LRRC4C: variants seen among roughly 807,000 people sequenced by gnomAD.
LRRC4C encodes the protein leucine rich repeat containing 4C.
Under a neutral mutation model 33.6 loss-of-function variants are expected in LRRC4C, and 5 were observed. The observed-to-expected ratio is 0.15, with a 90% confidence interval of 0.08 to 0.31. The LOEUF (loss-of-function observed/expected upper bound fraction) is 0.31. Among genes scored for constraint, LRRC4C ranks in the 10% least tolerant of loss-of-function variants. The probability of loss-of-function intolerance (pLI) is 1.00; values close to 1 mark genes in which losing one functional copy is unlikely to be tolerated. For synonymous variants in LRRC4C, 329 were observed against 302.0 expected (o/e 1.09, Z -0.93); for missense variants, 560 against 796.7 (o/e 0.70, Z 3.58).
intron 1 of LRRC4C, among the ~76,000 whole-genome samples, chr11:41,134,195 C>A (rs2135859052): frequency 6.6e-6 from 1 of 152,280 alleles, no homozygotes; most frequent in East Asian, 1.9e-4. Flanking sequence ...ACCCTAGGCT[C>A]AAGCAATCCT....
intron 3 of LRRC4C, among the ~76,000 whole-genome samples, chr11:40,500,662 C>T (rs1324145530): frequency 1.3e-5 from 2 of 151,960 alleles, no homozygotes; most frequent in African/African-American, 2.4e-5. Flanking sequence ...AGAAACTGCC[C>T]CGATAGTTCA....
chr11:40,803,615 AATTT>A lies in LRRC4C; in HGVS notation c.-407+130016_-407+130019del, dbSNP rs1401381097. On this transcript the variant is annotated intron_variant, in intron 2 of 6. Transcript: ENST00000528697. ...ATATTTAATTTTTAATTAATTAATG[AATTT>A]ATTTATTTTTTTGAGAAAGAGTCTC... is the stretch of plus-strand genomic sequence containing the variant. 2.0e-5 allele frequency among the ~76,000 whole-genome samples: 3 copies of A among 151,912 alleles called. No homozygotes were observed. In the East Asian group the frequency reaches 5.8e-4, roughly 29 times the overall value.
chr11:41,059,213 T>TTTTTTTTTTTTG (rs1192738989), intron 1 of LRRC4C, among the ~76,000 whole-genome samples: 2 of 45,944 alleles, frequency 4.4e-5, no homozygotes, highest in East Asian at 4.6e-4. Context: ...AATAAAAGTT[T>TTTTTTTTTTTTG]TTTTTTTTTT....
intron 1 of LRRC4C, among the ~76,000 whole-genome samples, chr11:41,366,764 A>G (rs1952560030): frequency 6.6e-6 from 1 of 152,154 alleles, no homozygotes; most frequent in Non-Finnish European, 1.5e-5. Context: ...AGATATACAC[A>G]GAGGGAAGAC....
At chr11:41,125,102 C>G (rs1461478709) in intron 1 of LRRC4C, among the ~76,000 whole-genome samples, 1 of 152,014 alleles carries the variant, frequency 6.6e-6, no homozygotes, top group Non-Finnish European at 1.5e-5. Flanking sequence ...ATAGCCCCAC[C>G]CAGAATTGCT....
In LRRC4C at chr11:40,996,455, T is replaced by A. The variant is rs180676985; in HGVS notation, c.-495-62732A>T. On this transcript the variant is annotated intron_variant, in intron 1 of 6. Transcript: ENST00000528697. The stretch of plus-strand genomic sequence containing the variant: ...GTAGGCAAATATCAAGGAGCTAAAA[T>A]CAACAGATAATGTGATGTGCTTTTG... 4.6e-5 allele frequency among the ~76,000 whole-genome samples: 7 copies of A among 152,242 alleles called. No homozygotes were observed. The East Asian group carries it at 1.4e-3, about 29-fold the overall frequency.
intron 4 of LRRC4C, among the ~76,000 whole-genome samples, chr11:40,281,755 T>C (rs1943489406): frequency 6.6e-6 from 1 of 152,108 alleles, no homozygotes; most frequent in Non-Finnish European, 1.5e-5. Context: ...CACAAATAAA[T>C]CTGTCAACTT....
chr11:40,836,346 A>C (rs1952666824), intron 2 of LRRC4C, among the ~76,000 whole-genome samples: 1 of 152,194 alleles, frequency 6.6e-6, no homozygotes, highest in Non-Finnish European at 1.5e-5. Flanking sequence ...ATTTGCCCTA[A>C]GGCCTCACTC....
At chr11:40,327,272 G>T (rs1272139736) in intron 3 of LRRC4C, among the ~76,000 whole-genome samples, 1 of 152,178 alleles carries the variant, frequency 6.6e-6, no homozygotes, top group Non-Finnish European at 1.5e-5. Context: ...TCTGGAGAAT[G>T]AATGCCCTTT....
intron 3 of LRRC4C, among the ~76,000 whole-genome samples, chr11:40,635,803 AT>A (rs528675832): frequency 3.3e-5 from 5 of 150,080 alleles, no homozygotes; most frequent in East Asian, 2.0e-4. Context: ...TGCCCGGCTA[AT>A]TTTTTTTTGT....
intron 3 of LRRC4C, among the ~76,000 whole-genome samples, chr11:40,382,849 A>G (rs995711516): frequency 5.3e-5 from 8 of 151,730 alleles, no homozygotes; most frequent in Non-Finnish European, 8.8e-5. Flanking sequence ...ACCCGCCACC[A>G]TGCCCAGCTA....
intron 3 of LRRC4C, among the ~76,000 whole-genome samples, chr11:40,515,017 C>T (rs1001145727): frequency 6.6e-6 from 1 of 152,056 alleles, no homozygotes; most frequent in South Asian, 2.1e-4. Flanking sequence ...GAGTACCTGT[C>T]AACCAAGAAG....
intron 1 of LRRC4C, among the ~76,000 whole-genome samples, chr11:41,290,500 C>A (rs987860985): frequency 6.6e-6 from 1 of 152,156 alleles, no homozygotes; most frequent in Non-Finnish European, 1.5e-5. Context: ...ATAGCATTGA[C>A]AATCGTTGTG....
chr11:40,519,109 AG>A (rs1004200110), intron 3 of LRRC4C, among the ~76,000 whole-genome samples: 2 of 152,068 alleles, frequency 1.3e-5, no homozygotes, highest in African/African-American at 2.4e-5. Flanking sequence ...GAGCTAGGGG[AG>A]GGATAGCATT....
chr11:41,067,516 A>G (rs1938342522), intron 1 of LRRC4C, among the ~76,000 whole-genome samples: 1 of 152,172 alleles, frequency 6.6e-6, no homozygotes, highest in Non-Finnish European at 1.5e-5. Flanking sequence ...GAGACCAATA[A>G]TTAACAAGGA....
At chr11:40,252,306 C>A (rs564888880) in intron 4 of LRRC4C, among the ~76,000 whole-genome samples, 2 of 151,436 alleles carry the variant, frequency 1.3e-5, no homozygotes. Context: ...CTAATATATA[C>A]ACACACACAC....
intron 1 of LRRC4C, among the ~76,000 whole-genome samples, chr11:41,121,008 G>C (rs1277822087): frequency 6.6e-6 from 1 of 152,078 alleles, no homozygotes; most frequent in African/African-American, 2.4e-5. Flanking sequence ...TGTTAAGCCT[G>C]TGGAACTATG....
At chr11:40,329,895 A>G (rs1946280687) in intron 3 of LRRC4C, among the ~76,000 whole-genome samples, 1 of 151,816 alleles carries the variant, frequency 6.6e-6, no homozygotes, top group African/African-American at 2.4e-5. Context: ...GCATTTGCCA[A>G]CACACCCGGC....
chr11:40,176,811 G>A (rs372002290), intron 5 of LRRC4C, among the ~76,000 whole-genome samples: 1 of 151,520 alleles, frequency 6.6e-6, no homozygotes, highest in East Asian at 1.9e-4. Flanking sequence ...AAATTGCTGA[G>A]ATTATAGGTG....
Sources: allele counts gnomAD v4.1 joint callset (sites outside exome capture counted in the v4.1 genomes callset), GRCh38; gene constraint gnomAD v4.1.1; transcripts MANE v1.5; gene names NCBI Gene and HGNC (gene_info 2026-07-23, HGNC 2026-07-21).